The following COL4A1 variants were observed in gnomAD, a reference collection of about 807,000 sequenced individuals.
COL4A1 encodes collagen type IV alpha 1 chain.
COL4A1 carries 40 observed loss-of-function variants against 216.6 expected under a neutral mutation model. The ratio of observed to expected loss-of-function variants is 0.18; its 90% CI spans 0.14 to 0.24. COL4A1 has a LOEUF of 0.24. Ranked by LOEUF, COL4A1 falls within the 10% of genes least tolerant of loss-of-function variation. COL4A1 has a pLI of 1.00. For missense variants in COL4A1, 1,628 were observed against 2,196.8 expected (o/e 0.74, Z 5.18); for synonymous variants, 839 against 810.7 (o/e 1.03, Z -0.59).
At position 110,170,549 on chromosome 13, in the gene COL4A1, G is replaced by A. The variant is rs760613428; in HGVS notation, c.3740C>T (p.Pro1247Leu). ...DRGPQGQPGLPGLPGPMGPPG... is the reference protein window; with the variant it reads ...DRGPQGQPGLLGLPGPMGPPG... Reference sequence around the variant, plus strand: ...GGCCCCTGGCGAGATGCCCTTACCTGGCAGGCCAGGCTGGCCCTGAGGTCC... The same window carrying A: ...GGCCCCTGGCGAGATGCCCTTACCTAGCAGGCCAGGCTGGCCCTGAGGTCC... The change falls in exon 42 of 52, where the codon CCA (proline) becomes CTA (leucine). Residue 1247 changes from proline to leucine, a missense_variant and splice_region_variant. Physicochemically the swap from Pro to Leu is moderately conservative, Grantham distance 98. Around this residue, in one of 8 missense-constraint regions of COL4A1, gnomAD observed 345 missense variants for 476.9 expected, o/e 0.72. Coordinates refer to ENST00000375820, the MANE Select transcript of COL4A1 (RefSeq NM_001845.6). 1.3e-6 allele frequency: 2 copies of A among 1,599,448 alleles called. No homozygotes were observed. Among genetic ancestry groups the A allele is most frequent in the Non-Finnish European group, 1.7e-6 (2 of 1,172,652 alleles).
rs1185367919 is a variant in COL4A1, at chr13:110,172,588, AG to A, written c.3556+131del. Reference sequence around the variant, plus strand: ...CTTGCAGGCATTGCCCTCTGGGCTCAGCACCCATCCTCCATCCCGTTGCTGC... The same window carrying A: ...CTTGCAGGCATTGCCCTCTGGGCTCACACCCATCCTCCATCCCGTTGCTGC... On this transcript the variant is annotated intron_variant, in intron 41 of 51. Coordinates refer to ENST00000375820, the MANE Select transcript of COL4A1 (RefSeq NM_001845.6). 7 of 862,952 alleles carry A rather than the reference AG, an allele frequency of 8.1e-6. No homozygotes were observed. The African/African-American group carries it at 1.2e-4, about 14-fold the overall frequency. 53.5% of individuals were successfully genotyped at this position (862,952 alleles called of 1,614,324 possible). A position where few individuals can be genotyped will look rare whatever the true frequency, so the allele number is the denominator to read the frequency against.
chr13:110,256,286 A>G lies in COL4A1; in HGVS notation c.85-13552T>C, dbSNP rs1882566979. The stretch of plus-strand genomic sequence containing the variant: ...CTAGTCCGGGGGGAAAAACACATCA[A>G]AAAAACTAAATGACTCCACAGGATG... On this transcript the variant is annotated intron_variant, in intron 1 of 51. Coordinates refer to ENST00000375820, the MANE Select transcript of COL4A1 (RefSeq NM_001845.6). Among the ~76,000 whole-genome samples the G allele has an allele frequency of 3.3e-5, 5 of 152,194 alleles. No individual in the cohort carries two copies. The South Asian group carries it at 1.0e-3, about 32-fold the overall frequency.
intron 22 of COL4A1, among the ~76,000 whole-genome samples, chr13:110,193,442 G>C (rs1878735724): frequency 6.6e-6 from 1 of 152,216 alleles, no homozygotes; most frequent in Non-Finnish European, 1.5e-5. Flanking sequence ...AAAAAGGAGA[G>C]GAGATGCTCT....
rs687368 is a variant in COL4A1, at chr13:110,178,491, G to A, written c.2459-260C>T. On this transcript the variant is annotated intron_variant, in intron 31 of 51. Coordinates refer to ENST00000375820, the MANE Select transcript of COL4A1 (RefSeq NM_001845.6). The stretch of plus-strand genomic sequence containing the variant: ...CCCTAAGCACCACCACTGCCTTGTC[G>A]CAGTACTTAGGACTAGGGCTAGTTT... Among the ~76,000 whole-genome samples the A allele has an allele frequency of 0.058, 8,764 of 152,172 alleles. 819 individuals are homozygous for A. Among genetic ancestry groups the A allele is most frequent in the African/African-American group, 0.2 (8,352 of 41,476 alleles).
intron 2 of COL4A1, among the ~76,000 whole-genome samples, chr13:110,219,827 T>G (rs1278539368): frequency 9.2e-6 from 1 of 108,914 alleles, no homozygotes; most frequent in Non-Finnish European, 1.8e-5. Context: ...TGTATATATA[T>G]GTATGTATGT....
At position 110,262,721 on chromosome 13, in the gene COL4A1, C is replaced by T. The variant is rs1417445540; in HGVS notation, c.85-19987G>A. ...CATGTTTCAGGGAAACACGCATCTCCTGATTCTGCTGCACTGATTAATCCT... is the reference window on the plus strand; with the variant it reads ...CATGTTTCAGGGAAACACGCATCTCTTGATTCTGCTGCACTGATTAATCCT... On this transcript the variant is annotated intron_variant, in intron 1 of 51. Coordinates refer to ENST00000375820, the MANE Select transcript of COL4A1 (RefSeq NM_001845.6). 2.0e-5 allele frequency among the ~76,000 whole-genome samples: 3 copies of T among 152,238 alleles called. No individual in the cohort carries two copies. The East Asian group carries it at 5.8e-4, about 29-fold the overall frequency.
chr13:110,266,572 C>G (rs1047227912), intron 1 of COL4A1, among the ~76,000 whole-genome samples: 1 of 152,142 alleles, frequency 6.6e-6, no homozygotes, highest in African/African-American at 2.4e-5. Flanking sequence ...TCGCGGAGAC[C>G]AGATGCTGAC....
At chr13:110,271,565 C>G (rs1883244688) in intron 1 of COL4A1, among the ~76,000 whole-genome samples, 1 of 152,178 alleles carries the variant, frequency 6.6e-6, no homozygotes, top group Non-Finnish European at 1.5e-5. Flanking sequence ...TATAAAATAA[C>G]TGGCCAGGAC....
chr13:110,177,188 GA>G, intron 33 of COL4A1, 151 bp from the exon 34 acceptor site: 1 of 1,356,394 alleles, frequency 7.4e-7, no homozygotes, highest in South Asian at 1.3e-5. Context: ...GCCAGTGTCT[GA>G]GACACAGAAG....
chr13:110,266,021 G>A (rs140184487), intron 1 of COL4A1: 4 of 152,328 alleles, frequency 2.6e-5, no homozygotes, highest in African/African-American at 4.8e-5. Context: ...GCCACCACGT[G>A]GAGACAGATG....
intron 33 of COL4A1, 64 bp from the exon 34 acceptor site, chr13:110,177,101 C>T: frequency 6.2e-7 from 1 of 1,604,366 alleles, no homozygotes; most frequent in Admixed American, 1.7e-5. Context: ...TCAAAAGGCT[C>T]ACGTTCTTGT....
intron 1 of COL4A1, among the ~76,000 whole-genome samples, chr13:110,305,495 T>C (rs547520079): frequency 6.6e-6 from 1 of 152,384 alleles, no homozygotes; most frequent in South Asian, 2.1e-4. Flanking sequence ...AATGAAGAAC[T>C]TTCTCTGATT....
rs113651836 is a variant in COL4A1 at position 110,307,117 on chromosome 13, C to T, written c.-90G>A. ...CTCTCGGAAGGCCGGACTTCCAGCGCTACGCACCGTCCCGGGTGCGGCGGC... is the reference window on the plus strand; with the variant it reads ...CTCTCGGAAGGCCGGACTTCCAGCGTTACGCACCGTCCCGGGTGCGGCGGC... On this transcript the variant is annotated 5_prime_UTR_variant, in exon 1 of 52. Transcript: ENST00000375820. The surrounding 1 kb of genome is among the most constrained non-coding windows in gnomAD (Gnocchi z 5.0). 6.9e-4 allele frequency: 746 copies of T among 1,082,606 alleles called. 4 individuals are homozygous for T. The highest frequency in any genetic ancestry group is 5.1e-4 in the Non-Finnish European group (415 of 809,278). 67.1% of individuals were successfully genotyped at this position (1,082,606 alleles called of 1,614,324 possible).
intron 1 of COL4A1, among the ~76,000 whole-genome samples, chr13:110,277,007 G>A (rs565758087): frequency 4.6e-5 from 7 of 152,308 alleles, no homozygotes; most frequent in African/African-American, 1.7e-4. Context: ...AGGGATGTGC[G>A]TTTTCTCACA....
intron 20 of COL4A1, among the ~76,000 whole-genome samples, chr13:110,200,414 T>C (rs1879132647): frequency 6.6e-6 from 1 of 152,194 alleles, no homozygotes; most frequent in African/African-American, 2.4e-5. Context: ...GAAGGGGTTT[T>C]GTCCTGGAGT....
In COL4A1 at chr13:110,207,332, A is replaced by G; in HGVS notation, c.780+71T>C. Reference sequence around the variant, plus strand: ...AGCTGGAAAAACTGAGTTTTGACCCATTTTCTCTTTATCTTTTGGAATTTG... The same window carrying G: ...AGCTGGAAAAACTGAGTTTTGACCCGTTTTCTCTTTATCTTTTGGAATTTG... On this transcript the variant is annotated intron_variant, in intron 13 of 51. Coordinates refer to ENST00000375820, the MANE Select transcript of COL4A1 (RefSeq NM_001845.6). The surrounding 1 kb of genome is among the most constrained non-coding windows in gnomAD (Gnocchi z 4.4). 7.3e-7 allele frequency: 1 copy of G among 1,371,758 alleles called. No individual in the cohort carries two copies. Among genetic ancestry groups the G allele is most frequent in the Non-Finnish European group, 1.0e-6 (1 of 958,894 alleles). The allele number at this position is 1,371,758 out of a possible 1,614,324, so 85.0% of individuals were successfully genotyped here.
chr13:110,184,327 C>T (rs573602808), intron 26 of COL4A1, among the ~76,000 whole-genome samples: 7 of 152,272 alleles, frequency 4.6e-5, no homozygotes, highest in South Asian at 4.2e-4. Context: ...TAATTCCCTT[C>T]GACAGCTCTG....
chr13:110,214,433 T>G (rs562806655), intron 2 of COL4A1, among the ~76,000 whole-genome samples: 2 of 152,300 alleles, frequency 1.3e-5, no homozygotes, highest in East Asian at 3.9e-4. Flanking sequence ...GGTCACAGGA[T>G]AATCAGAGAG....
At chr13:110,260,290 G>A (rs1046935026) in intron 1 of COL4A1, among the ~76,000 whole-genome samples, 4 of 152,148 alleles carry the variant, frequency 2.6e-5, no homozygotes, top group African/African-American at 7.2e-5. Flanking sequence ...TAAAACCGTC[G>A]CAACTCTTGA....
Sources: allele counts gnomAD v4.1 joint callset (sites outside exome capture counted in the v4.1 genomes callset), GRCh38; gene constraint gnomAD v4.1.1; regional missense constraint gnomAD v4.1.1; non-coding constraint Gnocchi (gnomAD v3.1); transcripts MANE v1.5; gene names NCBI Gene and HGNC (gene_info 2026-07-23, HGNC 2026-07-21).